The following ICA1L variants were observed in gnomAD, a reference collection of about 807,000 sequenced individuals.
ICA1L encodes islet cell autoantigen 1-like protein.
ICA1L carries 50 observed loss-of-function variants against 61.3 expected under a neutral mutation model. The observed-to-expected ratio is 0.82, with a 90% CI of 0.65 to 1.03. The LOEUF (loss-of-function observed/expected upper bound fraction) is 1.03, where lower values mean the gene tolerates loss of function less well. Among genes scored for constraint, ICA1L ranks in the 50% least tolerant of loss-of-function variants. ICA1L has a pLI of 0.00. For missense variants in ICA1L, 508 were observed against 556.7 expected (o/e 0.91, Z 0.88); for synonymous variants, 161 against 191.3 (o/e 0.84, Z 1.31).
intron 1 of ICA1L, among the ~76,000 whole-genome samples, chr2:202,863,058 G>A (rs1356811717): frequency 1.3e-5 from 2 of 151,862 alleles, no homozygotes; most frequent in African/African-American, 4.8e-5. Context: ...TTGGGAGGCC[G>A]AGGCAGGCAG....
chr2:202,783,308 G>A (rs1462963211), intron 12 of ICA1L, among the ~76,000 whole-genome samples: 1 of 152,174 alleles, frequency 6.6e-6, no homozygotes, highest in African/African-American at 2.4e-5. Context: ...GAATTACAAA[G>A]GGAAAAATAC....
At chr2:202,786,996 C>G (rs1176907560) in intron 11 of ICA1L, among the ~76,000 whole-genome samples, 1 of 152,170 alleles carries the variant, frequency 6.6e-6, no homozygotes, top group African/African-American at 2.4e-5. Flanking sequence ...TAGAAAAGAT[C>G]TGAGGCCCAA....
At position 202,796,912 on chromosome 2, in the gene ICA1L, AG is replaced by A; in HGVS notation, c.962del (p.Pro321LeufsTer15). Reference sequence around the variant, plus strand: ...TACCATTTTCAGAGTTAGAAAACTGAGGTGCTCCAAATTCTCTCATTTGAGA... The same window carrying A: ...TACCATTTTCAGAGTTAGAAAACTGAGTGCTCCAAATTCTCTCATTTGAGA... ...KHSQMREFGA[P>X]QFSNSENVAK... is the part of the protein sequence containing the mutation. On this transcript the variant is annotated frameshift_variant, in exon 10 of 13. Coordinates refer to ENST00000358299, the MANE Select transcript of ICA1L (RefSeq NM_001288622.3). LOFTEE classifies it high-confidence loss of function. 3 of 1,598,514 alleles carry A rather than the reference AG, an allele frequency of 1.9e-6. No homozygotes were observed. Among genetic ancestry groups the A allele is most frequent in the Non-Finnish European group, 2.6e-6 (3 of 1,171,660 alleles).
rs554368005 is a variant in ICA1L at position 202,849,009 on chromosome 2, G to A, written c.-7-19993C>T. ...AGGGCAAGCAGAAGCAGGGTGGGGC[G>A]TTGCCTCATCCAGGAAGTGCAAGGA... On this transcript the variant is annotated intron_variant, in intron 1 of 12. Coordinates refer to ENST00000358299, the MANE Select transcript of ICA1L (RefSeq NM_001288622.3). This position sits in a 1 kb window ranked among gnomAD's most constrained non-coding sequence, Gnocchi z 4.5. Among the ~76,000 whole-genome samples, 19 of 152,170 alleles carry A rather than the reference G, an allele frequency of 1.2e-4. No individual in the cohort carries two copies. The highest frequency in any genetic ancestry group is 4.6e-4 in the African/African-American group (19 of 41,532).
At chr2:202,815,445 T>C (rs1211936988) in intron 7 of ICA1L, among the ~76,000 whole-genome samples, 1 of 152,172 alleles carries the variant, frequency 6.6e-6, no homozygotes, top group Non-Finnish European at 1.5e-5. Context: ...TCATGAACCA[T>C]ATCCATGACA....
Position 202,832,131 on chromosome 2 carries a change from C to T in ICA1L, c.-7-3115G>A, listed in dbSNP as rs996023045. Among the ~76,000 whole-genome samples the T allele has an allele frequency of 9.2e-5, 14 of 152,182 alleles. 1 individual carries two copies. Among genetic ancestry groups the T allele is most frequent in the African/African-American group, 3.4e-4 (14 of 41,432 alleles). On this transcript the variant is annotated intron_variant, in intron 1 of 12. Coordinates refer to ENST00000358299, the MANE Select transcript of ICA1L (RefSeq NM_001288622.3). ...CACTCCAGAGGAGACAGTTTGGAGT[C>T]TGAGTTCAGTCAAGTTAACTGGCTT...
intron 7 of ICA1L, 75 bp downstream of exon 7, chr2:202,815,831 TAAAAA>T: frequency 1.4e-6 from 1 of 696,146 alleles, no homozygotes; most frequent in Non-Finnish European, 2.1e-6. Context: ...TAACCTTGGT[TAAAAA>T]AAAAAAAAGT....
intron 12 of ICA1L, among the ~76,000 whole-genome samples, chr2:202,785,637 G>A (rs1288528893): frequency 1.3e-5 from 2 of 152,030 alleles, no homozygotes; most frequent in Non-Finnish European, 2.9e-5. Context: ...ATGTTGCCCA[G>A]GCTGGTCTCC....
Position 202,849,156 on chromosome 2 carries a change from T to C in ICA1L, c.-7-20140A>G, listed in dbSNP as rs1026799013. 2.6e-5 allele frequency among the ~76,000 whole-genome samples: 4 copies of C among 152,160 alleles called. No individual in the cohort carries two copies. Among genetic ancestry groups the C allele is most frequent in the Non-Finnish European group, 2.9e-5 (2 of 68,028 alleles). On this transcript the variant is annotated intron_variant, in intron 1 of 12. Transcript: ENST00000358299. The surrounding 1 kb of genome is among the most constrained non-coding windows in gnomAD (Gnocchi z 4.5). ...ACCAGAAGATTCCCACATGTGCCTA[T>C]ACCACCAGGGCCCTGGGTTTCAAGC... is the stretch of plus-strand genomic sequence containing the variant.
At chr2:202,788,657 A>T (rs1452355151) in intron 11 of ICA1L, among the ~76,000 whole-genome samples, 173 bp downstream of exon 11, 1 of 151,960 alleles carries the variant, frequency 6.6e-6, no homozygotes, top group Non-Finnish European at 1.5e-5. Context: ...TCTTGTTGAC[A>T]GATTCCTGAG....
intron 10 of ICA1L, among the ~76,000 whole-genome samples, chr2:202,792,399 G>C (rs368994753): frequency 1.3e-5 from 2 of 152,186 alleles, no homozygotes; most frequent in Non-Finnish European, 2.9e-5. Context: ...ATGTTCAGTA[G>C]TAGTAGTAGT....
In ICA1L at chr2:202,819,782, G is replaced by GTA. The variant is rs1559137736; in HGVS notation, c.475_476dup (p.Arg160ThrfsTer8). On this transcript the variant is annotated frameshift_variant, in exon 5 of 13. Coordinates refer to ENST00000358299, the MANE Select transcript of ICA1L (RefSeq NM_001288622.3). LOFTEE classifies it high-confidence loss of function. ...CTTTCATCCACAGTAGAGCTCCTCT[G>GTA]TATTCTGTGCGTGCCTGCTCCATCC... 1.9e-6 allele frequency: 3 copies of GTA among 1,614,006 alleles called. No individual in the cohort carries two copies. The highest frequency in any genetic ancestry group is 2.5e-6 in the Non-Finnish European group (3 of 1,179,880).
Position 202,819,807 on chromosome 2 carries a change from C to A in ICA1L, c.452G>T (p.Arg151Leu). Residue 151 changes from arginine to leucine, a missense_variant, in exon 5 of 13, where the codon CGG (arginine) becomes CTG (leucine). Transcript: ENST00000358299. ...AVSDTLMTIN[R>L]MEQARTEYRG... ...GTATTCTGTGCGTGCCTGCTCCATC[C>A]GATTAATTGTCATCAAGGTATCAGA... 6.2e-7 allele frequency: 1 copy of A among 1,613,838 alleles called. No homozygotes were observed. Among genetic ancestry groups the A allele is most frequent in the Non-Finnish European group, 8.5e-7 (1 of 1,179,784 alleles).
intron 1 of ICA1L, among the ~76,000 whole-genome samples, chr2:202,829,476 G>T (rs1415875652): frequency 6.6e-6 from 1 of 152,046 alleles, no homozygotes; most frequent in Non-Finnish European, 1.5e-5. Context: ...TTAGAGTCAG[G>T]GTCTCGTTCC....
At chr2:202,780,787 T>G (rs1461381660) in intron 12 of ICA1L, among the ~76,000 whole-genome samples, 4 of 152,172 alleles carry the variant, frequency 2.6e-5, no homozygotes, top group Non-Finnish European at 5.9e-5. Context: ...CCTGAAGTAG[T>G]ATCAGTGATA....
At chr2:202,839,238 AG>A (rs1380283697) in intron 1 of ICA1L, among the ~76,000 whole-genome samples, 2 of 152,016 alleles carry the variant, frequency 1.3e-5, no homozygotes, top group Non-Finnish European at 2.9e-5. Flanking sequence ...CGGTGGCTCA[AG>A]CCTGTAATCC....
intron 1 of ICA1L, among the ~76,000 whole-genome samples, chr2:202,866,145 A>C (rs994436983): frequency 1.3e-5 from 2 of 152,044 alleles, no homozygotes; most frequent in African/African-American, 4.8e-5. Context: ...GTCCCCTCCA[A>C]ATTTCATGTT....
At chr2:202,853,001 A>G (rs1366168121) in intron 1 of ICA1L, among the ~76,000 whole-genome samples, 4 of 151,944 alleles carry the variant, frequency 2.6e-5, no homozygotes, top group African/African-American at 2.4e-5. Flanking sequence ...CTAGCCATAT[A>G]TAGAAAGCTG....
intron 1 of ICA1L, among the ~76,000 whole-genome samples, chr2:202,830,183 G>C (rs1419555115): frequency 6.6e-6 from 1 of 152,194 alleles, no homozygotes; most frequent in African/African-American, 2.4e-5. Flanking sequence ...GCCGAGGTGA[G>C]TGGATCATGA....
Sources: allele counts gnomAD v4.1 joint callset (sites outside exome capture counted in the v4.1 genomes callset), GRCh38; gene constraint gnomAD v4.1.1; non-coding constraint Gnocchi (gnomAD v3.1); transcripts MANE v1.5; gene names NCBI Gene and HGNC (gene_info 2026-07-23, HGNC 2026-07-21).